Variants in SS18 observed in about 807,000 individuals in gnomAD.
The protein encoded by SS18 is SS18 subunit of BAF chromatin remodeling complex.
A neutral mutation model predicts 72.5 loss-of-function variants in SS18; 28 were observed. That is an observed-to-expected ratio of 0.39 (90% confidence interval 0.29 to 0.53). The LOEUF (loss-of-function observed/expected upper bound fraction) is 0.53, where lower values mean the gene tolerates loss of function less well. SS18 is among the 20% of genes least tolerant of loss of function. The probability of loss-of-function intolerance (pLI) is 0.76; values close to 1 mark genes in which losing one functional copy is unlikely to be tolerated. For missense variants in SS18, 518 were observed against 535.3 expected, an observed-to-expected ratio of 0.97 and a Z score of 0.32; for synonymous variants, 172 against 164.2, an observed-to-expected ratio of 1.05 and a Z score of -0.37.
chr18:26,038,628 G>C lies in SS18; in HGVS notation c.807C>G (p.Asp269Glu), dbSNP rs2053666880. The stretch of plus-strand genomic sequence containing the variant: ...CATGACTGTATTGGTCCCCGTAATA[G>C]TCTTCCTGGCCTGAGTACTGCTGTG... ...GPPQQYSGQE[D>E]YYGDQYSHGG... Residue 269 changes from aspartate to glutamate, a missense_variant, in exon 7 of 11, where the codon GAC becomes GAG. Coordinates refer to ENST00000415083, the MANE Select transcript of SS18 (RefSeq NM_001007559.3). 1 of 1,613,388 alleles carries C rather than the reference G, an allele frequency of 6.2e-7. No individual in the cohort carries two copies.
chr18:26,028,855 A>C (rs1401808500), intron 10 of SS18, among the ~76,000 whole-genome samples: 1 of 152,198 alleles, frequency 6.6e-6, no homozygotes, highest in Non-Finnish European at 1.5e-5. Flanking sequence ...AGGTGTGTAT[A>C]TACGTGTCAA....
chr18:26,072,205 A>C (rs2054322375), intron 3 of SS18, among the ~76,000 whole-genome samples: 1 of 152,188 alleles, frequency 6.6e-6, no homozygotes, highest in African/African-American at 2.4e-5. Flanking sequence ...TGTATATTAT[A>C]ATCTATACAG....
At chr18:26,090,975 C>T (rs2054718569), upstream of SS18, 2 of 244,618 alleles carry the variant, frequency 8.2e-6, no homozygotes, top group Non-Finnish European at 1.6e-5. Flanking sequence ...CCCAAGCCGG[C>T]CCGCCCCCTT....
intron 3 of SS18, among the ~76,000 whole-genome samples, chr18:26,067,271 T>G (rs988325948): frequency 1.3e-5 from 2 of 152,156 alleles, no homozygotes; most frequent in African/African-American, 4.8e-5. Flanking sequence ...AGAAAAACAC[T>G]TGGACACCAA....
At position 26,039,366 on chromosome 18, in the gene SS18, C is replaced by A. The variant is rs199690255; in HGVS notation, c.698G>T (p.Gly233Val). The change falls in exon 6 of 11, where the codon GGA becomes GTA. Residue 233 changes from glycine (G) to valine (V), a missense_variant. By Grantham distance (109) the Gly-to-Val change is moderately radical (BLOSUM62 -3). Transcript: ENST00000415083. ...GCCTTGGTTAACTTGACCCATCATT[C>A]CCATAGGTGGCTGCTGTCCTTGGTA... The part of the protein sequence containing the change: ...QHYQGQQPPM[G>V]MMGQVNQGNH... The A allele has an allele frequency of 6.2e-7, 1 of 1,613,874 alleles. No homozygotes were observed. Among genetic ancestry groups the A allele is most frequent in the South Asian group, 1.1e-5 (1 of 91,074 alleles).
chr18:26,082,924 AGTT>A (rs1046285771), intron 2 of SS18, among the ~76,000 whole-genome samples: 41 of 152,196 alleles, frequency 2.7e-4, no homozygotes, highest in Non-Finnish European at 4.9e-4. Context: ...CATCTTAAGG[AGTT>A]GTTAATTTAA....
chr18:26,089,228 G>A (rs1032065626), intron 1 of SS18, among the ~76,000 whole-genome samples: 3 of 151,562 alleles, frequency 2.0e-5, no homozygotes, highest in African/African-American at 4.9e-5. Flanking sequence ...AAAAAAAAAA[G>A]AAAAACTCTG....
intron 3 of SS18, among the ~76,000 whole-genome samples, chr18:26,063,624 A>G (rs2054163451): frequency 3.3e-5 from 5 of 152,216 alleles, no homozygotes; most frequent in South Asian, 4.1e-4. Flanking sequence ...TGAAAATGTA[A>G]TATCAAAATT....
chr18:26,023,420 T>C (rs9960030), intron 10 of SS18, among the ~76,000 whole-genome samples: 398 of 152,240 alleles, frequency 2.6e-3, no homozygotes, highest in Middle Eastern at 6.8e-3. Context: ...TCTCATCAAA[T>C]TGCTCAAAAC....
At chr18:26,052,052 A>G (rs903146500) in intron 5 of SS18, among the ~76,000 whole-genome samples, 2 of 152,206 alleles carry the variant, frequency 1.3e-5, no homozygotes, top group African/African-American at 2.4e-5. Context: ...ACAGAGCGCC[A>G]CTTACTGGCT....
rs938883627 is a variant in SS18, at chr18:26,016,976, T to C, written c.*1378A>G. 4.4e-6 allele frequency: 1 copy of C among 226,316 alleles called. No individual in the cohort carries two copies. Among genetic ancestry groups the C allele is most frequent in the Admixed American group, 5.7e-5 (1 of 17,520 alleles). 14.0% of individuals were successfully genotyped at this position (226,316 alleles called of 1,614,324 possible). ...ATCTTATTCCCTGGGCATAGGCAAC[T>C]GTGATGAAAATAGCAACTTACCTTT... On this transcript the variant is annotated 3_prime_UTR_variant, in exon 11 of 11. Transcript: ENST00000415083.
At chr18:26,065,548 AAACT>A (rs1296315985) in intron 3 of SS18, among the ~76,000 whole-genome samples, 10 of 152,038 alleles carry the variant, frequency 6.6e-5, no homozygotes, top group Admixed American at 4.6e-4. Context: ...GATCATGAAT[AAACT>A]AACTTATACA....
At chr18:26,085,187 G>A (rs2054595234) in intron 2 of SS18, among the ~76,000 whole-genome samples, 1 of 152,150 alleles carries the variant, frequency 6.6e-6, no homozygotes, top group Non-Finnish European at 1.5e-5. Flanking sequence ...AAACAAAAAG[G>A]CTTTTTGTTT....
chr18:26,056,719 C>T (rs1158924750), intron 4 of SS18, among the ~76,000 whole-genome samples: 1 of 152,102 alleles, frequency 6.6e-6, no homozygotes, highest in Admixed American at 6.6e-5. Context: ...ATTTTATTTC[C>T]ATTACTGCTA....
intron 5 of SS18, among the ~76,000 whole-genome samples, chr18:26,047,760 A>G (rs1008985531): frequency 2.0e-5 from 3 of 152,282 alleles, no homozygotes; most frequent in Admixed American, 1.3e-4. Context: ...GGAGAATGGC[A>G]TGAACCCAGG....
intron 4 of SS18, among the ~76,000 whole-genome samples, chr18:26,053,167 T>C (rs1253395261): frequency 6.6e-6 from 1 of 152,174 alleles, no homozygotes; most frequent in East Asian, 1.9e-4. Context: ...ACAGATCGAT[T>C]GAACAGAACA....
At chr18:26,087,197 T>C (rs1413076004) in intron 2 of SS18, among the ~76,000 whole-genome samples, 1 of 152,130 alleles carries the variant, frequency 6.6e-6, no homozygotes, top group Non-Finnish European at 1.5e-5. Context: ...TCCATTTATA[T>C]GAAATGTCAC....
intron 10 of SS18, among the ~76,000 whole-genome samples, chr18:26,027,636 CACACCAGCCTGGTGGTG>C (rs2053470079): frequency 7.8e-6 from 1 of 127,610 alleles, no homozygotes; most frequent in African/African-American, 2.8e-5. Flanking sequence ...CGCGCCACTG[CACACCAGCCTGGTGGTG>C]ACAGAGCGAG....
chr18:26,080,346 T>C lies in SS18; in HGVS notation c.147-2186A>G, dbSNP rs1246830114. The C allele has an allele frequency of 4.1e-6, 4 of 984,360 alleles. No individual in the cohort carries two copies. In the African/African-American group the frequency reaches 5.2e-5, roughly 13 times the overall value. The allele number at this position is 984,360 out of a possible 1,614,324, so 61.0% of individuals were successfully genotyped here. On this transcript the variant is annotated intron_variant, in intron 2 of 10. Coordinates refer to ENST00000415083, the MANE Select transcript of SS18 (RefSeq NM_001007559.3). Reference sequence around the variant, plus strand: ...CTTCAAGTTTTCCTTTGCTTGAGTATTAGTATGGTTGCACGACATGAGATT... The same window carrying C: ...CTTCAAGTTTTCCTTTGCTTGAGTACTAGTATGGTTGCACGACATGAGATT...
Sources: allele counts gnomAD v4.1 joint callset (sites outside exome capture counted in the v4.1 genomes callset), GRCh38; gene constraint gnomAD v4.1.1; transcripts MANE v1.5; gene names NCBI Gene and HGNC (gene_info 2026-07-23, HGNC 2026-07-21).